The following PATZ1 variants were observed in gnomAD, a reference collection of about 807,000 sequenced individuals.
The protein encoded by PATZ1 is POZ-, AT hook-, and zinc finger-containing protein 1.
A neutral mutation model predicts 46.2 loss-of-function variants in PATZ1; 9 were observed. The ratio of observed to expected loss-of-function variants is 0.19; its 90% CI spans 0.12 to 0.34. The LOEUF (loss-of-function observed/expected upper bound fraction) is 0.34, where lower values mean the gene tolerates loss of function less well. Among genes scored for constraint, PATZ1 ranks in the 10% least tolerant of loss-of-function variants. The pLI, the probability that PATZ1 is intolerant of heterozygous loss-of-function variation, is 1.00. For missense variants in PATZ1, 632 were observed against 923.0 expected, an observed-to-expected ratio of 0.68 and a Z score of 4.08; for synonymous variants, 426 against 378.6, an observed-to-expected ratio of 1.13 and a Z score of -1.45.
At position 31,326,357 on chromosome 22, in the gene PATZ1, G is replaced by T. The variant is rs2049370653; in HGVS notation, c.*534C>A. ...CTCCAGGCAGAGGGCTGAGCTCAGG[G>T]GGCTCTTGGAGGACACTCACCCCAT... is the stretch of plus-strand genomic sequence containing the variant. On this transcript the variant is annotated 3_prime_UTR_variant, in exon 5 of 5. Coordinates refer to ENST00000266269, the MANE Select transcript of PATZ1 (RefSeq NM_014323.3). The T allele has an allele frequency of 4.3e-6, 1 of 231,186 alleles. No homozygotes were observed. Among genetic ancestry groups the T allele is most frequent in the East Asian group, 6.1e-5 (1 of 16,268 alleles). The allele number at this position is 231,186 out of a possible 1,614,324, so 14.3% of individuals were successfully genotyped here. A position where few individuals can be genotyped will look rare whatever the true frequency, so the allele number is the denominator to read the frequency against.
chr22:31,342,764 G>A lies in PATZ1; in HGVS notation c.1335+133C>T, dbSNP rs112992777. On this transcript the variant is annotated intron_variant, in intron 2 of 4. Transcript: ENST00000266269. The stretch of plus-strand genomic sequence containing the variant: ...GGAGGAGAGCAGAGGGAGGGTGGAG[G>A]AACAGAGGGGAGGTGTGCAAAGCGG... The A allele has an allele frequency of 6.6e-3, 5,575 of 841,086 alleles. 198 individuals carry two copies. The African/African-American group carries it at 0.077, about 12-fold the overall frequency. The allele number at this position is 841,086 out of a possible 1,614,324, so 52.1% of individuals were successfully genotyped here. A position where few individuals can be genotyped will look rare whatever the true frequency, so the allele number is the denominator to read the frequency against.
intron 2 of PATZ1, chr22:31,337,574 G>A (rs1240705634): frequency 6.6e-6 from 1 of 152,220 alleles, no homozygotes; most frequent in East Asian, 1.9e-4. Flanking sequence ...GAATCCGTTG[G>A]CTTTCAAGCT....
In PATZ1 at chr22:31,341,649, A is replaced by G. The variant is rs777118045; in HGVS notation, c.1335+1248T>C. 5 of 1,613,508 alleles carry G rather than the reference A, an allele frequency of 3.1e-6. No homozygotes were observed. The South Asian group carries it at 4.4e-5, about 14-fold the overall frequency. On this transcript the variant is annotated intron_variant, in intron 2 of 4. Transcript: ENST00000266269. ...TGGCAGGTCGCTAGGAAGAGGTTCC[A>G]GGGGCGGCAGGCCGCTGCTGCTCCC... is the stretch of plus-strand genomic sequence containing the variant.
At chr22:31,341,677 C>G in intron 2 of PATZ1, 1 of 1,607,822 alleles carries the variant, frequency 6.2e-7, no homozygotes, top group Non-Finnish European at 8.5e-7. Context: ...CTGCTCCCAA[C>G]CCACACCTGG....
chr22:31,329,625 G>T (rs1360496529), intron 3 of PATZ1, among the ~76,000 whole-genome samples: 1 of 152,188 alleles, frequency 6.6e-6, no homozygotes, highest in Non-Finnish European at 1.5e-5. Context: ...CATCCACCAG[G>T]TTCGCGTACA....
chr22:31,339,515 C>T (rs2049553515), intron 2 of PATZ1, among the ~76,000 whole-genome samples: 1 of 152,210 alleles, frequency 6.6e-6, no homozygotes, highest in Admixed American at 6.5e-5. Flanking sequence ...TCAAAGGGAA[C>T]ATCCAGAACT....
chr22:31,338,359 A>G (rs539306427), intron 2 of PATZ1, among the ~76,000 whole-genome samples: 1 of 152,236 alleles, frequency 6.6e-6, no homozygotes. Flanking sequence ...CTCATACTTT[A>G]TAACACAGTG....
At chr22:31,329,948 G>A (rs959018655) in intron 3 of PATZ1, among the ~76,000 whole-genome samples, 5 of 152,202 alleles carry the variant, frequency 3.3e-5, no homozygotes, top group African/African-American at 9.7e-5. Flanking sequence ...CCCACTTAGG[G>A]TGCCAGCACC....
chr22:31,342,654 G>C (rs993151019), intron 2 of PATZ1, among the ~76,000 whole-genome samples: 1 of 152,172 alleles, frequency 6.6e-6, no homozygotes, highest in Non-Finnish European at 1.5e-5. Context: ...CAGAGTGAAG[G>C]CAAAGACAGG....
chr22:31,333,950 G>T (rs1248296218), intron 3 of PATZ1, among the ~76,000 whole-genome samples: 2 of 152,146 alleles, frequency 1.3e-5, no homozygotes, highest in African/African-American at 4.8e-5. Context: ...TGGGTCTCCT[G>T]TCCAGTTTCT....
chr22:31,338,624 A>C (rs2049541352), intron 2 of PATZ1, among the ~76,000 whole-genome samples: 1 of 152,190 alleles, frequency 6.6e-6, no homozygotes, highest in Non-Finnish European at 1.5e-5. Context: ...AGAGAGGTAC[A>C]CCTGTTGATT....
Position 31,345,125 on chromosome 22 carries a change from T to G in PATZ1, c.478A>C (p.Asn160His), listed in dbSNP as rs1409204858. ...GCAGGGGGTACCAGGATCTGTACGT[T>G]GGACTGTTTGATGACTTCCTGGCAG... ...EICQEVIKQSNVQILVPPARA... is the reference protein window; with the variant it reads ...EICQEVIKQSHVQILVPPARA... Residue 160 changes from asparagine (N) to histidine (H), a missense_variant, in exon 1 of 5, where the codon AAC becomes CAC. This residue lies in a region of PATZ1 where 279 missense variants were observed against 284.3 expected (regional missense o/e 0.98). Coordinates refer to ENST00000266269, the MANE Select transcript of PATZ1 (RefSeq NM_014323.3). The surrounding 1 kb of genome is among the most constrained non-coding windows in gnomAD (Gnocchi z 7.4). 1 of 1,614,078 alleles carries G rather than the reference T, an allele frequency of 6.2e-7. No homozygotes were observed. The highest frequency in any genetic ancestry group is 1.3e-5 in the African/African-American group (1 of 74,916).
intron 1 of PATZ1, 190 bp from the exon 2 acceptor site, chr22:31,343,150 G>T: frequency 7.6e-7 from 1 of 1,324,074 alleles, no homozygotes; most frequent in African/African-American, 1.5e-5. Flanking sequence ...TCTCTGCCCT[G>T]GTTTTCTCTG....
At chr22:31,341,252 G>A in intron 2 of PATZ1, 2 of 1,395,784 alleles carry the variant, frequency 1.4e-6, no homozygotes, top group Non-Finnish European at 1.9e-6. Context: ...CCCATTTGGG[G>A]GCTCTGACAT....
chr22:31,343,425 G>A, intron 1 of PATZ1: 2 of 987,612 alleles, frequency 2.0e-6, no homozygotes, highest in Non-Finnish European at 2.4e-6. Context: ...GTCCCCAGAG[G>A]CCAGCAGTGG....
At chr22:31,342,614 G>A (rs556943330) in intron 2 of PATZ1, among the ~76,000 whole-genome samples, 16 of 152,214 alleles carry the variant, frequency 1.1e-4, no homozygotes, top group South Asian at 4.2e-4. Flanking sequence ...CCAAGGAGCC[G>A]GCAAACACCA....
intron 3 of PATZ1, among the ~76,000 whole-genome samples, chr22:31,333,592 A>G (rs926089067): frequency 6.8e-6 from 1 of 146,394 alleles, no homozygotes; most frequent in Non-Finnish European, 1.5e-5. Context: ...CTTCTTTCTG[A>G]GTACCCAGCA....
In PATZ1 at chr22:31,327,877, T is replaced by G. The variant is rs1346933266; in HGVS notation, c.1646-568A>C. Among the ~76,000 whole-genome samples the G allele has an allele frequency of 2.6e-5, 4 of 152,198 alleles. 1 individual carries two copies. The highest frequency in any genetic ancestry group is 4.4e-5 in the Non-Finnish European group (3 of 68,030). ...AGCCCTGTCCTTACCGCCTTCCTTC[T>G]GCCAAAACCTTTTCAGGGCCAAGCA... On this transcript the variant is annotated intron_variant, in intron 4 of 4. Transcript: ENST00000266269. The surrounding 1 kb of genome is among the most constrained non-coding windows in gnomAD (Gnocchi z 4.2).
chr22:31,340,059 C>G (rs111722452), intron 2 of PATZ1, among the ~76,000 whole-genome samples: 1 of 152,122 alleles, frequency 6.6e-6, no homozygotes, highest in African/African-American at 2.4e-5. Context: ...AAGTGGAGCC[C>G]GTGGAAGCTA....
Sources: gnomAD v4.1 joint callset for allele counts (sites outside exome capture counted in the v4.1 genomes callset) on GRCh38, gnomAD v4.1.1 for gene constraint, gnomAD v4.1.1 regional missense constraint, Gnocchi (gnomAD v3.1) non-coding constraint, MANE v1.5 for transcripts, NCBI Gene and HGNC (gene_info 2026-07-23, HGNC 2026-07-21) for gene names.